LRP2: variants seen among roughly 807,000 people sequenced by gnomAD.
LRP2 encodes the protein LDL receptor related protein 2.
In LRP2, 172 loss-of-function variants were observed where a neutral mutation model predicts 531.0. That is an observed-to-expected ratio of 0.32 (90% confidence interval 0.29 to 0.37). The LOEUF (loss-of-function observed/expected upper bound fraction) is 0.37. LRP2 is among the 10% of genes least tolerant of loss of function. The pLI, the probability that LRP2 is intolerant of heterozygous loss-of-function variation, is 1.00. For synonymous variants in LRP2, 1,992 were observed against 2,027.6 expected, an observed-to-expected ratio of 0.98 and a Z score of 0.47; for missense variants, 5,167 against 5,868.3, an observed-to-expected ratio of 0.88 and a Z score of 3.90.
intron 44 of LRP2, among the ~76,000 whole-genome samples, chr2:169,200,318 G>C (rs1269590004): frequency 2.0e-5 from 3 of 152,110 alleles, no homozygotes; most frequent in African/African-American, 7.2e-5. Flanking sequence ...AAAAGGACTA[G>C]AAGCAATGAA....
chr2:169,318,863 C>T lies in LRP2; in HGVS notation c.209G>A (p.Gly70Asp). ...TCCCTCACTCTGGCACTTGAAATAG[C>T]CCTGCTGGCAGGTCACAACAGCTAA... ...IGCAVVTCQQ[G>D]YFKCQSEGQC... The change falls in exon 3 of 79, where the codon GGC becomes GAC. Residue 70 changes from glycine (G) to aspartate (D), a missense_variant. Gly to Asp is a moderately conservative substitution (Grantham distance 94, BLOSUM62 -1). Transcript: ENST00000649046. 1 of 1,614,138 alleles carries T rather than the reference C, an allele frequency of 6.2e-7. No individual in the cohort carries two copies. Among genetic ancestry groups the T allele is most frequent in the Non-Finnish European group, 8.5e-7 (1 of 1,179,998 alleles).
At chr2:169,323,459 A>G (rs909572325) in intron 1 of LRP2, among the ~76,000 whole-genome samples, 1 of 152,330 alleles carries the variant, frequency 6.6e-6, no homozygotes. Context: ...ATAAACCACT[A>G]GTGAAAAGGT....
chr2:169,163,857 T>C (rs1377390322), intron 62 of LRP2, among the ~76,000 whole-genome samples: 1 of 151,946 alleles, frequency 6.6e-6, no homozygotes, highest in Admixed American at 6.6e-5. Flanking sequence ...AAGAAAAAAC[T>C]CTCAAAGGGT....
intron 66 of LRP2, 142 bp downstream of exon 66, chr2:169,154,318 G>A (rs1294164118): frequency 9.4e-6 from 7 of 741,118 alleles, no homozygotes; most frequent in Admixed American, 2.2e-5. Flanking sequence ...AAGGCATCAG[G>A]AGCATGCTGG....
intron 1 of LRP2, among the ~76,000 whole-genome samples, chr2:169,330,391 T>C (rs1010550137): frequency 6.6e-6 from 1 of 152,166 alleles, no homozygotes; most frequent in African/African-American, 2.4e-5. Flanking sequence ...TTCTGAGCAA[T>C]GAGAGATTTA....
At position 169,212,224 on chromosome 2, in the gene LRP2, T is replaced by C. The variant is rs757569297; in HGVS notation, c.6041-17A>G. The C allele has an allele frequency of 1.1e-5, 18 of 1,613,732 alleles. No individual in the cohort carries two copies. The South Asian group carries it at 1.3e-4, about 12-fold the overall frequency. On this transcript the variant is annotated splice_polypyrimidine_tract_variant and intron_variant, in intron 36 of 78. Coordinates refer to ENST00000649046, the MANE Select transcript of LRP2 (RefSeq NM_004525.3). ...CGGCGGCATCTAAATGAAAACAAAA[T>C]CCATTTGTAACTTTTGATCCTAGCT...
Position 169,204,126 on chromosome 2 carries a change from A to T in LRP2, c.7861T>A (p.Tyr2621Asn), listed in dbSNP as rs1688295923. The T allele has an allele frequency of 6.2e-7, 1 of 1,613,990 alleles. No homozygotes were observed. The highest frequency in any genetic ancestry group is 1.7e-5 in the Admixed American group (1 of 59,998). ...YTQRIYRANKYDGSGQIAMTT... is the reference protein window; with the variant it reads ...YTQRIYRANKNDGSGQIAMTT... The stretch of plus-strand genomic sequence containing the variant: ...ATTGCAATCTGACCTGACCCGTCAT[A>T]TTTGTTAGCTCGGTAAATTCTTTGT... Residue 2621 changes from tyrosine to asparagine, a missense_variant, in exon 42 of 79, where the codon TAT (tyrosine) becomes AAT (asparagine). Around this residue, in one of 6 missense-constraint regions of LRP2, gnomAD observed 1,129 missense variants for 1,362.7 expected, o/e 0.83. Coordinates refer to ENST00000649046, the MANE Select transcript of LRP2 (RefSeq NM_004525.3).
At chr2:169,354,488 C>T (rs562174493) in intron 1 of LRP2, among the ~76,000 whole-genome samples, 2 of 152,158 alleles carry the variant, frequency 1.3e-5, no homozygotes, top group Non-Finnish European at 2.9e-5. Flanking sequence ...TTTCCAGTAA[C>T]CTTGAGGTCA....
At chr2:169,308,159 C>T (rs1268382851) in intron 3 of LRP2, among the ~76,000 whole-genome samples, 1 of 152,050 alleles carries the variant, frequency 6.6e-6, no homozygotes, top group Admixed American at 6.6e-5. Context: ...ATAATATAAT[C>T]CCCTAATGGA....
intron 53 of LRP2, 92 bp downstream of exon 53, chr2:169,177,710 CT>C: frequency 8.9e-7 from 1 of 1,123,222 alleles, no homozygotes; most frequent in South Asian, 1.2e-5. Context: ...GTGCAACAAA[CT>C]TTTTGTAAAT....
chr2:169,155,322 T>C (rs530141733), intron 65 of LRP2, among the ~76,000 whole-genome samples: 2 of 152,342 alleles, frequency 1.3e-5, no homozygotes, highest in South Asian at 4.1e-4. Flanking sequence ...GTTTCAGTCA[T>C]GTCCTTAGTT....
intron 48 of LRP2, among the ~76,000 whole-genome samples, chr2:169,189,179 G>T (rs1687745048): frequency 6.6e-6 from 1 of 152,120 alleles, no homozygotes; most frequent in South Asian, 2.1e-4. Flanking sequence ...CAAAGCTAAT[G>T]GTTTTGAACA....
intron 77 of LRP2, among the ~76,000 whole-genome samples, chr2:169,131,748 TG>T (rs1277093651): frequency 6.6e-6 from 1 of 152,216 alleles, no homozygotes; most frequent in African/African-American, 2.4e-5. Flanking sequence ...CACAAAGAAC[TG>T]TCCCACTCAA....
chr2:169,172,346 G>T (rs1574094726), intron 57 of LRP2, among the ~76,000 whole-genome samples: 1 of 152,248 alleles, frequency 6.6e-6, no homozygotes, highest in East Asian at 1.9e-4. Flanking sequence ...ATTCCCATTG[G>T]TAGAAACCAT....
chr2:169,296,738 T>C (rs942745140), intron 4 of LRP2, among the ~76,000 whole-genome samples: 3 of 152,030 alleles, frequency 2.0e-5, no homozygotes, highest in Admixed American at 6.6e-5. Flanking sequence ...GTTTTCTTCA[T>C]CCTGCTTTTT....
intron 70 of LRP2, among the ~76,000 whole-genome samples, chr2:169,143,656 A>T (rs186809701): frequency 1.7e-4 from 26 of 152,284 alleles, no homozygotes; most frequent in Non-Finnish European, 1.2e-4. Context: ...AAAAACAAAA[A>T]ACAAACAAAC....
intron 1 of LRP2, among the ~76,000 whole-genome samples, chr2:169,335,042 T>C (rs1471159287): frequency 6.6e-6 from 1 of 152,174 alleles, no homozygotes; most frequent in African/African-American, 2.4e-5. Flanking sequence ...CAGATGGTGG[T>C]GGTTGCCTCC....
At position 169,185,771 on chromosome 2, in the gene LRP2, G is replaced by A; in HGVS notation, c.9577C>T (p.Gln3193Ter). The change falls in exon 50 of 79, where the codon CAA becomes TAA. Residue 3193 changes from glutamine to a stop codon, truncating the protein, a stop_gained. Coordinates refer to ENST00000649046, the MANE Select transcript of LRP2 (RefSeq NM_004525.3). LOFTEE classifies it high-confidence loss of function. ...LREPDGKTCR[Q>*]NSNIEPYLIF... ...AGATAGGGTTCGATGTTACTGTTTTGCCGGCAGGTCTTTCCATCTGGTTCT... is the reference window on the plus strand; with the variant it reads ...AGATAGGGTTCGATGTTACTGTTTTACCGGCAGGTCTTTCCATCTGGTTCT... 1 of 1,613,696 alleles carries A rather than the reference G, an allele frequency of 6.2e-7. No individual in the cohort carries two copies. The highest frequency in any genetic ancestry group is 8.5e-7 in the Non-Finnish European group (1 of 1,179,910).
In LRP2 at chr2:169,273,042, A is replaced by G; in HGVS notation, c.2001T>C (p.Asn667=). ...GGACACAGACCTGCTCACAGCCCCC[A>G]TTGTTATCTTTACACGGATTGGTAG... The part of the protein sequence containing the change: ...PYATNPCKDN[N]GGCEQVCVLS... Residue 667 remains asparagine, a synonymous_variant, in exon 15 of 79, where the codon AAT becomes AAC. Coordinates refer to ENST00000649046, the MANE Select transcript of LRP2 (RefSeq NM_004525.3). 11 of 1,613,670 alleles carry G rather than the reference A, an allele frequency of 6.8e-6. No homozygotes were observed. The highest frequency in any genetic ancestry group is 9.3e-6 in the Non-Finnish European group (11 of 1,179,730).
Sources: gnomAD v4.1 joint callset for allele counts (sites outside exome capture counted in the v4.1 genomes callset) on GRCh38, gnomAD v4.1.1 for gene constraint, gnomAD v4.1.1 regional missense constraint, MANE v1.5 for transcripts, NCBI Gene and HGNC (gene_info 2026-07-23, HGNC 2026-07-21) for gene names.